Variants in BBS9 observed in about 807,000 individuals in gnomAD.
BBS9 encodes the protein protein PTHB1.
BBS9 carries 89 observed loss-of-function variants against 117.7 expected under a neutral mutation model. That is an observed-to-expected ratio of 0.76 (90% CI 0.64 to 0.90). BBS9 has a LOEUF of 0.90. Ranked by LOEUF, BBS9 falls within the 40% of genes least tolerant of loss-of-function variation. The pLI, the probability that BBS9 is intolerant of heterozygous loss-of-function variation, is 0.00. For missense variants in BBS9, 982 were observed against 1,042.2 expected, an observed-to-expected ratio of 0.94 and a Z score of 0.80; for synonymous variants, 379 against 370.9, an observed-to-expected ratio of 1.02 and a Z score of -0.25.
chr7:33,366,513 TTAATGTTTC>T (rs1383819377), intron 16 of BBS9, among the ~76,000 whole-genome samples: 186 of 151,486 alleles, frequency 1.2e-3, no homozygotes, highest in African/African-American at 4.1e-3. Context: ...GTGATGATGT[TTAATGTTTC>T]TTTTTTTTTT....
Position 33,264,307 on chromosome 7 carries a change from T to G in BBS9, c.635T>G (p.Phe212Cys). The G allele has an allele frequency of 6.4e-7, 1 of 1,555,410 alleles. No individual in the cohort carries two copies. The highest frequency in any genetic ancestry group is 8.7e-7 in the Non-Finnish European group (1 of 1,150,384). Residue 212 changes from phenylalanine to cysteine, a missense_variant, in exon 7 of 23, where the codon TTT (phenylalanine) becomes TGT (cysteine). Transcript: ENST00000242067. ...TCATACAGGTACCAGGTACTTGCTT[T>G]TGCAACAGATGCAGATAAAAGGCAG... is the stretch of plus-strand genomic sequence containing the variant. ...VESYKYQVLAFATDADKRQET... is the reference protein window; with the variant it reads ...VESYKYQVLACATDADKRQET...
At chr7:33,390,308 A>G in intron 19 of BBS9, 1 of 985,188 alleles carries the variant, frequency 1.0e-6, no homozygotes, top group Non-Finnish European at 1.2e-6. Context: ...GATTTTCTAT[A>G]TAGTAAGACT....
At chr7:33,200,388 G>A (rs1175697695) in intron 5 of BBS9, among the ~76,000 whole-genome samples, 1 of 152,004 alleles carries the variant, frequency 6.6e-6, no homozygotes, top group Non-Finnish European at 1.5e-5. Context: ...TTTACATGCT[G>A]GTCTGTAACT....
At chr7:33,330,431 T>G (rs1474837656) in intron 9 of BBS9, among the ~76,000 whole-genome samples, 1 of 152,214 alleles carries the variant, frequency 6.6e-6, no homozygotes, top group Non-Finnish European at 1.5e-5. Context: ...TCCTTTGTTC[T>G]TATTATGTCA....
chr7:33,330,102 C>T (rs1180991059), intron 9 of BBS9, among the ~76,000 whole-genome samples: 1 of 151,976 alleles, frequency 6.6e-6, no homozygotes, highest in African/African-American at 2.4e-5. Flanking sequence ...CAACCTCCGC[C>T]TCTCCAGTTC....
intron 21 of BBS9, among the ~76,000 whole-genome samples, chr7:33,595,477 A>G (rs555937286): frequency 1.3e-5 from 2 of 152,212 alleles, no homozygotes; most frequent in African/African-American, 4.8e-5. Flanking sequence ...AATCAAAACT[A>G]CAATGAGATA....
intron 19 of BBS9, among the ~76,000 whole-genome samples, chr7:33,431,028 G>GAAA (rs879655079): frequency 3.9e-5 from 5 of 128,750 alleles, no homozygotes; most frequent in Non-Finnish European, 5.1e-5. Context: ...GTCTCTGTGA[G>GAAA]AAAAAAAAAA....
At chr7:33,157,927 A>T (rs1218278569) in intron 4 of BBS9, among the ~76,000 whole-genome samples, 1 of 152,224 alleles carries the variant, frequency 6.6e-6, no homozygotes, top group African/African-American at 2.4e-5. Context: ...AGAAAGCATC[A>T]CATGGCATCT....
chr7:33,416,421 T>C (rs1832028374), intron 19 of BBS9, among the ~76,000 whole-genome samples: 2 of 151,932 alleles, frequency 1.3e-5, no homozygotes, highest in South Asian at 2.1e-4. Context: ...GAAATTGTTC[T>C]TTTACCCACA....
intron 17 of BBS9, among the ~76,000 whole-genome samples, chr7:33,373,205 G>A (rs1823187028): frequency 6.6e-6 from 1 of 152,014 alleles, no homozygotes; most frequent in African/African-American, 2.4e-5. Context: ...AGAGCACTGA[G>A]GAGCGTATTC....
At chr7:33,613,035 T>C (rs1359364200) in intron 21 of BBS9, among the ~76,000 whole-genome samples, 2 of 151,956 alleles carry the variant, frequency 1.3e-5, no homozygotes, top group African/African-American at 2.4e-5. Flanking sequence ...CAAAGAACAA[T>C]AAAACATGGA....
At chr7:33,331,330 G>T (rs1813996611) in intron 9 of BBS9, among the ~76,000 whole-genome samples, 1 of 152,170 alleles carries the variant, frequency 6.6e-6, no homozygotes, top group African/African-American at 2.4e-5. Flanking sequence ...ATGGGGAAAA[G>T]TTGAAATCAT....
At chr7:33,596,391 C>CTATCTATG (rs968148294) in intron 21 of BBS9, among the ~76,000 whole-genome samples, 2 of 150,410 alleles carry the variant, frequency 1.3e-5, no homozygotes, top group African/African-American at 2.5e-5. Flanking sequence ...ATCTATCTAT[C>CTATCTATG]TATATATAAT....
At chr7:33,137,475 G>C (rs1199072517) in intron 1 of BBS9, among the ~76,000 whole-genome samples, 1 of 152,226 alleles carries the variant, frequency 6.6e-6, no homozygotes, top group African/African-American at 2.4e-5. Context: ...AGAGTGGGCA[G>C]CCCCTGCCAT....
chr7:33,220,017 C>T (rs1300348160), intron 5 of BBS9, among the ~76,000 whole-genome samples: 1 of 152,166 alleles, frequency 6.6e-6, no homozygotes, highest in Non-Finnish European at 1.5e-5. Flanking sequence ...TCAGAAGGAA[C>T]AAACTCCGGA....
chr7:33,246,013 G>C (rs1795274426), intron 5 of BBS9, among the ~76,000 whole-genome samples: 1 of 151,972 alleles, frequency 6.6e-6, no homozygotes. Context: ...GTTTTTGAGT[G>C]GGTTGATAAC....
intron 21 of BBS9, among the ~76,000 whole-genome samples, chr7:33,603,622 T>C (rs953277528): frequency 6.6e-6 from 1 of 152,170 alleles, no homozygotes; most frequent in Non-Finnish European, 1.5e-5. Flanking sequence ...TGATAGTTCT[T>C]GTTACTGTGA....
At chr7:33,319,671 C>T (rs1811273649) in intron 9 of BBS9, among the ~76,000 whole-genome samples, 1 of 151,860 alleles carries the variant, frequency 6.6e-6, no homozygotes, top group South Asian at 2.1e-4. Flanking sequence ...GACCAAGAAC[C>T]CAAAAGCAAA....
chr7:33,357,947 A>T lies in BBS9; in HGVS notation c.1645A>T (p.Thr549Ser). The T allele has an allele frequency of 6.2e-7, 1 of 1,612,704 alleles. No individual in the cohort carries two copies. Among genetic ancestry groups the T allele is most frequent in the Non-Finnish European group, 8.5e-7 (1 of 1,178,984 alleles). The change falls in exon 16 of 23, where the codon ACT becomes TCT. Residue 549 changes from threonine (T) to serine (S), a missense_variant. Coordinates refer to ENST00000242067, the MANE Select transcript of BBS9 (RefSeq NM_198428.3). ...QPSKTASHKI[T>S]IDTNKSPVSL... ...TTCAAAAACTGCAAGCCACAAAATT[A>T]CTATTGATACCAACAAATCTCCAGT...
Sources: gnomAD v4.1 joint callset for allele counts (sites outside exome capture counted in the v4.1 genomes callset) on GRCh38, gnomAD v4.1.1 for gene constraint, MANE v1.5 for transcripts, NCBI Gene and HGNC (gene_info 2026-07-23, HGNC 2026-07-21) for gene names.